FAM178B: variants seen among roughly 807,000 people sequenced by gnomAD.
FAM178B encodes family with sequence similarity 178 member B.
Under a neutral mutation model 91.7 loss-of-function variants are expected in FAM178B, and 82 were observed. The ratio of observed to expected loss-of-function variants is 0.89; its 90% CI spans 0.75 to 1.07. The LOEUF is 1.07. FAM178B is among the 50% of genes least tolerant of loss of function. The probability of loss-of-function intolerance (pLI) is 0.00; values close to 1 mark genes in which losing one functional copy is unlikely to be tolerated. For synonymous variants in FAM178B, 368 were observed against 359.4 expected, an observed-to-expected ratio of 1.02 and a Z score of -0.27; for missense variants, 769 against 846.7, an observed-to-expected ratio of 0.91 and a Z score of 1.14.
At chr2:96,947,684 C>G in intron 8 of FAM178B, 134 bp downstream of exon 8, 1 of 565,292 alleles carries the variant, frequency 1.8e-6, no homozygotes, top group Non-Finnish European at 3.2e-6. Flanking sequence ...CCAAAGATGG[C>G]CTGATGCCTC....
At chr2:96,905,661 G>A (rs1559063613) in intron 12 of FAM178B, among the ~76,000 whole-genome samples, 1 of 149,912 alleles carries the variant, frequency 6.7e-6, no homozygotes, top group African/African-American at 2.4e-5. Context: ...GTTAAGTCGG[G>A]TGCGGTGGCT....
intron 14 of FAM178B, among the ~76,000 whole-genome samples, chr2:96,883,547 C>T (rs952091980): frequency 6.6e-6 from 1 of 152,248 alleles, no homozygotes; most frequent in Non-Finnish European, 1.5e-5. Context: ...GTGGGGAAGG[C>T]AGACCTGTTT....
intron 6 of FAM178B, among the ~76,000 whole-genome samples, chr2:96,957,965 A>C (rs957120687): frequency 6.6e-5 from 10 of 152,174 alleles, no homozygotes; most frequent in Non-Finnish European, 1.0e-4. Context: ...GAAAATGGTT[A>C]AATATGTTAG....
chr2:96,936,480 G>T (rs540327384), intron 8 of FAM178B, among the ~76,000 whole-genome samples: 4 of 150,268 alleles, frequency 2.7e-5, no homozygotes, highest in Non-Finnish European at 5.9e-5. Context: ...GATTACAGGC[G>T]TGAGCCACCA....
intron 14 of FAM178B, among the ~76,000 whole-genome samples, chr2:96,889,677 C>CAAATAAATAAATAAATAAAT (rs371885604): frequency 3.2e-5 from 4 of 126,558 alleles, no homozygotes; most frequent in Non-Finnish European, 4.9e-5. Context: ...GACTCTGTCT[C>CAAATAAATAAATAAATAAAT]AAATAAATAA....
At chr2:96,944,257 A>G (rs1246244571) in intron 8 of FAM178B, among the ~76,000 whole-genome samples, 1 of 151,812 alleles carries the variant, frequency 6.6e-6, no homozygotes, top group Non-Finnish European at 1.5e-5. Flanking sequence ...AAAAAAAAAA[A>G]AAAAAAGACT....
At chr2:96,932,216 CCTGA>C (rs1382449749) in intron 8 of FAM178B, among the ~76,000 whole-genome samples, 9 of 152,226 alleles carry the variant, frequency 5.9e-5, no homozygotes, top group Non-Finnish European at 8.8e-5. Context: ...TGTGAAACCT[CCTGA>C]CTCACAGGCA....
intron 12 of FAM178B, among the ~76,000 whole-genome samples, chr2:96,917,683 T>C (rs369855145): frequency 3.5e-4 from 53 of 152,240 alleles, no homozygotes; most frequent in African/African-American, 1.3e-3. Flanking sequence ...TAGGGAGACC[T>C]TGTCTCTACT....
intron 14 of FAM178B, among the ~76,000 whole-genome samples, chr2:96,879,997 G>A (rs958194028): frequency 5.3e-5 from 8 of 152,222 alleles, no homozygotes; most frequent in Non-Finnish European, 7.3e-5. Context: ...AGCAAGTCTG[G>A]GCCTGCGTGC....
At chr2:96,971,335 G>C (rs1408160009) in intron 3 of FAM178B, among the ~76,000 whole-genome samples, 1 of 139,848 alleles carries the variant, frequency 7.2e-6, no homozygotes, top group Non-Finnish European at 1.5e-5. Flanking sequence ...CCTCTCCCTT[G>C]TGTCTCTGTC....
chr2:96,959,209 A>G (rs1377963983), intron 6 of FAM178B, among the ~76,000 whole-genome samples: 1 of 94,946 alleles, frequency 1.1e-5, no homozygotes, highest in Admixed American at 9.1e-5. Context: ...GAAAAAAAAA[A>G]AAAAAAAAAA....
chr2:96,924,944 G>A (rs537441457), intron 9 of FAM178B, among the ~76,000 whole-genome samples: 1 of 152,064 alleles, frequency 6.6e-6, no homozygotes, highest in Admixed American at 6.6e-5. Flanking sequence ...ATCTGTCTCC[G>A]AGGTACCAGG....
intron 14 of FAM178B, among the ~76,000 whole-genome samples, chr2:96,885,400 G>T (rs545993638): frequency 3.3e-5 from 5 of 152,348 alleles, no homozygotes; most frequent in Non-Finnish European, 5.9e-5. Context: ...CCTTCACAGC[G>T]GGGATCTCTT....
At chr2:96,905,856 ATATATTTTTTTTTTTTTTTT>A (rs1338910238) in intron 12 of FAM178B, among the ~76,000 whole-genome samples, 5 of 18,104 alleles carry the variant, frequency 2.8e-4, no homozygotes, top group Admixed American at 9.4e-4. Context: ...ATATATATAT[ATATATTTTTTTTTTTTTTTT>A]TTTTTTTTTT....
In FAM178B at chr2:96,930,210, C is replaced by CAAAAA. The variant is rs60102987; in HGVS notation, c.1079-895_1079-891dup. Among the ~76,000 whole-genome samples the CAAAAA allele has an allele frequency of 4.3e-3, 171 of 39,494 alleles. 30 individuals are homozygous for CAAAAA. Among genetic ancestry groups the CAAAAA allele is most frequent in the African/African-American group, 0.022 (160 of 7,410 alleles). 25.9% of individuals were successfully genotyped at this position (39,494 alleles called of 152,430 possible). Reference sequence around the variant, plus strand: ...GTGACAGAGCGAGACTCCGTCTCTCCAAAAAAAAAAAAAAAAAAAAAAAAA... The same window carrying CAAAAA: ...GTGACAGAGCGAGACTCCGTCTCTCCAAAAAAAAAAAAAAAAAAAAAAAAAAAAAA... On this transcript the variant is annotated intron_variant, in intron 8 of 16. Coordinates refer to ENST00000490605, the MANE Select transcript of FAM178B (RefSeq NM_001122646.3).
intron 12 of FAM178B, among the ~76,000 whole-genome samples, chr2:96,904,211 C>T (rs2080987368): frequency 6.6e-6 from 1 of 152,216 alleles, no homozygotes; most frequent in African/African-American, 2.4e-5. Flanking sequence ...GCAGCAGCAA[C>T]AGCACAGTGG....
At chr2:96,958,866 T>G (rs1330991812) in intron 6 of FAM178B, among the ~76,000 whole-genome samples, 1 of 151,820 alleles carries the variant, frequency 6.6e-6, no homozygotes, top group Non-Finnish European at 1.5e-5. Flanking sequence ...ACTGAAGTAT[T>G]TGTAGATTAA....
intron 1 of FAM178B, among the ~76,000 whole-genome samples, chr2:96,980,192 C>T (rs2082344253): frequency 6.6e-6 from 1 of 151,216 alleles, no homozygotes; most frequent in South Asian, 2.1e-4. Flanking sequence ...TCTCATGCCT[C>T]AGCTTCCCAA....
intron 8 of FAM178B, among the ~76,000 whole-genome samples, chr2:96,934,678 A>G (rs2081595939): frequency 1.3e-5 from 2 of 152,328 alleles, no homozygotes; most frequent in African/African-American, 4.8e-5. Flanking sequence ...CCGTGTGTCT[A>G]GGGAGACACT....
Sources: allele counts gnomAD v4.1 joint callset (sites outside exome capture counted in the v4.1 genomes callset), GRCh38; gene constraint gnomAD v4.1.1; transcripts MANE v1.5; gene names NCBI Gene and HGNC (gene_info 2026-07-23, HGNC 2026-07-21).